The following HERC3 variants were observed in gnomAD, a reference collection of about 807,000 sequenced individuals.
The protein encoded by HERC3 is probable E3 ubiquitin-protein ligase HERC3.
HERC3 carries 58 observed loss-of-function variants against 129.9 expected under a neutral mutation model. That is an observed-to-expected ratio of 0.45 (90% CI 0.36 to 0.56). HERC3 has a LOEUF of 0.56. Among genes scored for constraint, HERC3 ranks in the 20% least tolerant of loss-of-function variants. The pLI is 0.00. For synonymous variants in HERC3, 430 were observed against 451.0 expected, an observed-to-expected ratio of 0.95 and a Z score of 0.59; for missense variants, 835 against 1,244.2, an observed-to-expected ratio of 0.67 and a Z score of 4.95.
At chr4:88,617,075 A>G (rs895974321) in intron 3 of HERC3, among the ~76,000 whole-genome samples, 2 of 146,088 alleles carry the variant, frequency 1.4e-5, no homozygotes, top group East Asian at 4.1e-4. Flanking sequence ...TTCTCTCATG[A>G]TATTTTTCTC....
chr4:88,587,966 C>T (rs1180568002), upstream of HERC3, among the ~76,000 whole-genome samples: 2 of 152,248 alleles, frequency 1.3e-5, no homozygotes, highest in South Asian at 2.1e-4. Flanking sequence ...AAATACTTCA[C>T]TTCCTAAAGG....
chr4:88,552,678 A>C, the HERC3 span, among the ~76,000 whole-genome samples: 1 of 152,238 alleles, frequency 6.6e-6, no homozygotes, highest in Non-Finnish European at 1.5e-5. Flanking sequence ...TCTCTTAAAC[A>C]GTTTCATTAC....
At chr4:88,612,539 C>T (rs1237941254) in intron 3 of HERC3, among the ~76,000 whole-genome samples, 1 of 151,896 alleles carries the variant, frequency 6.6e-6, no homozygotes, top group Admixed American at 6.6e-5. Flanking sequence ...ACTCAATTTC[C>T]AGCTTTAAAA....
At chr4:88,616,040 T>C (rs759388561) in intron 3 of HERC3, among the ~76,000 whole-genome samples, 25 of 152,226 alleles carry the variant, frequency 1.6e-4, no homozygotes, top group South Asian at 6.2e-4. Flanking sequence ...CTTTTATAGA[T>C]TCCCTTAATA....
At chr4:88,525,025 T>C in the HERC3 span, 2 of 151,888 alleles carry the variant, frequency 1.3e-5, no homozygotes, top group South Asian at 2.1e-4. Flanking sequence ...TCCTGTTTTT[T>C]TTAAAAAAAA....
At chr4:88,655,806 AAGTC>A (rs759105522) in intron 8 of HERC3, 65 bp from the exon 9 acceptor site, 29 of 1,495,674 alleles carry the variant, frequency 1.9e-5, no homozygotes, top group Non-Finnish European at 2.6e-5. Flanking sequence ...TGGAAGTTAA[AAGTC>A]AGAGTCAGAG....
chr4:88,550,213 T>A, the HERC3 span, among the ~76,000 whole-genome samples: 5 of 152,122 alleles, frequency 3.3e-5, no homozygotes, highest in Non-Finnish European at 5.9e-5. Context: ...AAAGTCTCGT[T>A]TTCCTGGCAC....
chr4:88,557,697 A>G, the HERC3 span, among the ~76,000 whole-genome samples: 1 of 152,194 alleles, frequency 6.6e-6, no homozygotes, highest in Non-Finnish European at 1.5e-5. Context: ...GAACACTTTT[A>G]CAATGCTAGT....
At chr4:88,545,369 C>A in the HERC3 span, among the ~76,000 whole-genome samples, 1 of 150,266 alleles carries the variant, frequency 6.7e-6, no homozygotes, top group South Asian at 2.1e-4. Flanking sequence ...CCTCATGAGA[C>A]TTTACAACAC....
At chr4:88,583,173 C>T in the HERC3 span, among the ~76,000 whole-genome samples, 2 of 151,762 alleles carry the variant, frequency 1.3e-5, no homozygotes, top group Non-Finnish European at 2.9e-5. Flanking sequence ...CATGGTGGCT[C>T]GCACCTGTAA....
chr4:88,598,245 A>G (rs1260831608), intron 2 of HERC3, among the ~76,000 whole-genome samples: 1 of 152,180 alleles, frequency 6.6e-6, no homozygotes, highest in Non-Finnish European at 1.5e-5. Flanking sequence ...GTCTTATCAT[A>G]AGACAAAGTT....
chr4:88,527,867 A>G, the HERC3 span: 1 of 299,302 alleles, frequency 3.3e-6, no homozygotes, highest in South Asian at 3.4e-5. Context: ...GGCCTGACGG[A>G]CAGCATCTAC....
intron 23 of HERC3, among the ~76,000 whole-genome samples, chr4:88,692,163 C>T (rs1734137161): frequency 6.6e-6 from 1 of 152,140 alleles, no homozygotes; most frequent in African/African-American, 2.4e-5. Flanking sequence ...AATACTATAT[C>T]ACATGACTAC....
intron 9 of HERC3, 171 bp from the exon 10 acceptor site, chr4:88,658,244 A>T (rs900546007): frequency 6.3e-5 from 26 of 414,852 alleles, no homozygotes; most frequent in Admixed American, 5.0e-4. Flanking sequence ...TTTTTAATTG[A>T]AGTAGAAACA....
upstream of HERC3, among the ~76,000 whole-genome samples, chr4:88,589,251 ATTT>A (rs1236867482): frequency 6.6e-6 from 1 of 151,748 alleles, no homozygotes; most frequent in Non-Finnish European, 1.5e-5. Context: ...CACCATGCCT[ATTT>A]TTATTTTTTG....
At chr4:88,550,681 A>C in the HERC3 span, among the ~76,000 whole-genome samples, 1 of 150,984 alleles carries the variant, frequency 6.6e-6, no homozygotes, top group Non-Finnish European at 1.5e-5. Flanking sequence ...GGTAGGAAGA[A>C]TCAATATCGT....
intron 3 of HERC3, among the ~76,000 whole-genome samples, chr4:88,638,345 A>C (rs1377669487): frequency 6.6e-6 from 1 of 152,250 alleles, no homozygotes; most frequent in Non-Finnish European, 1.5e-5. Flanking sequence ...AATCCTCAAT[A>C]AAATACTGGC....
chr4:88,547,687 G>A, the HERC3 span, among the ~76,000 whole-genome samples: 3 of 152,032 alleles, frequency 2.0e-5, no homozygotes, highest in South Asian at 2.1e-4. Context: ...ACAGAGTCTC[G>A]CTCTGTCACC....
At chr4:88,699,369 A>G (rs1479093143) in intron 23 of HERC3, among the ~76,000 whole-genome samples, 2 of 44,432 alleles carry the variant, frequency 4.5e-5, no homozygotes, top group East Asian at 2.1e-3. Flanking sequence ...CCTGCCCACC[A>G]TCTTCTTCCC....
Sources: allele counts gnomAD v4.1 joint callset (sites outside exome capture counted in the v4.1 genomes callset), GRCh38; gene constraint gnomAD v4.1.1; transcripts MANE v1.5; gene names NCBI Gene and HGNC (gene_info 2026-07-23, HGNC 2026-07-21).